CSNK1G1: variants seen among roughly 807,000 people sequenced by gnomAD.
CSNK1G1 encodes casein kinase I isoform gamma-1.
Under a neutral mutation model 59.6 loss-of-function variants are expected in CSNK1G1, and 22 were observed. The observed-to-expected ratio is 0.37, with a 90% CI of 0.26 to 0.53. CSNK1G1 has a LOEUF of 0.53. Among genes scored for constraint, CSNK1G1 ranks in the 20% least tolerant of loss-of-function variants. The pLI, the probability that CSNK1G1 is intolerant of heterozygous loss-of-function variation, is 0.89. For missense variants in CSNK1G1, 384 were observed against 519.5 expected (o/e 0.74, Z 2.54); for synonymous variants, 179 against 177.1 (o/e 1.01, Z -0.08).
chr15:64,185,579 C>T (rs1224787509), intron 10 of CSNK1G1, among the ~76,000 whole-genome samples: 1 of 152,050 alleles, frequency 6.6e-6, no homozygotes, highest in South Asian at 2.1e-4. Context: ...GGACACTTTA[C>T]GAGGCCAGGC....
At chr15:64,276,247 A>G (rs976339938) in intron 2 of CSNK1G1, among the ~76,000 whole-genome samples, 3 of 152,176 alleles carry the variant, frequency 2.0e-5, no homozygotes, top group Non-Finnish European at 2.9e-5. Context: ...GTTCTATATT[A>G]TAGTGGTGGG....
chr15:64,349,408 C>T (rs1374025406), intron 1 of CSNK1G1, among the ~76,000 whole-genome samples: 1 of 152,042 alleles, frequency 6.6e-6, no homozygotes, highest in Non-Finnish European at 1.5e-5. Context: ...AGAGAATATC[C>T]CTCTACCCAG....
chr15:64,238,255 T>C (rs1288163416), intron 4 of CSNK1G1, among the ~76,000 whole-genome samples: 1 of 151,394 alleles, frequency 6.6e-6, no homozygotes, highest in Non-Finnish European at 1.5e-5. Context: ...GGTTTATAGG[T>C]ATATACGCAC....
At chr15:64,190,715 A>G (rs922321099) in intron 10 of CSNK1G1, among the ~76,000 whole-genome samples, 1 of 152,062 alleles carries the variant, frequency 6.6e-6, no homozygotes, top group African/African-American at 2.4e-5. Context: ...TGCCGGCCAT[A>G]TTTTATAAAC....
rs530463638 is a variant in CSNK1G1, at chr15:64,318,613, C to A, written c.-224-17890G>T. Among the ~76,000 whole-genome samples the A allele has an allele frequency of 5.9e-5, 8 of 135,730 alleles. 1 individual carries two copies. The highest frequency in any genetic ancestry group is 1.9e-4 in the African/African-American group (7 of 37,142). The allele number at this position is 135,730 out of a possible 152,430, so 89.0% of individuals were successfully genotyped here. A position where few individuals can be genotyped will look rare whatever the true frequency, so the allele number is the denominator to read the frequency against. On this transcript the variant is annotated intron_variant, in intron 1 of 11. Coordinates refer to ENST00000303052, the MANE Select transcript of CSNK1G1 (RefSeq NM_022048.5). ...CCAGGCTGGAGTGTGGTGGCATGAT[C>A]TTTTTTTTTTTTTTTGAGACAAAGT... is the stretch of plus-strand genomic sequence containing the variant.
At chr15:64,276,498 G>A (rs1474821855) in intron 2 of CSNK1G1, among the ~76,000 whole-genome samples, 1 of 152,012 alleles carries the variant, frequency 6.6e-6, no homozygotes. Context: ...TTTCAGAACA[G>A]ACGGATCATT....
chr15:64,190,776 T>A (rs1367181911), intron 10 of CSNK1G1, among the ~76,000 whole-genome samples: 6 of 152,228 alleles, frequency 3.9e-5, no homozygotes, highest in Admixed American at 3.3e-4. Flanking sequence ...TTATTCTGAC[T>A]GCTGGAGATC....
chr15:64,294,325 C>T (rs1894898096), intron 2 of CSNK1G1, among the ~76,000 whole-genome samples: 1 of 152,066 alleles, frequency 6.6e-6, no homozygotes, highest in Non-Finnish European at 1.5e-5. Context: ...CCGCCCACCT[C>T]GGCCTCTCAA....
chr15:64,221,661 C>T (rs2082389944), intron 4 of CSNK1G1, among the ~76,000 whole-genome samples: 1 of 151,534 alleles, frequency 6.6e-6, no homozygotes, highest in Non-Finnish European at 1.5e-5. Flanking sequence ...TCAACTCTGG[C>T]ACATTCCTTA....
chr15:64,296,506 A>G (rs570499589), intron 2 of CSNK1G1, among the ~76,000 whole-genome samples: 233 of 152,324 alleles, frequency 1.5e-3, no homozygotes, highest in Admixed American at 2.5e-3. Context: ...GACAAAAACT[A>G]TATCTTCTTA....
chr15:64,273,928 G>A (rs544427088), intron 2 of CSNK1G1, among the ~76,000 whole-genome samples: 3 of 152,278 alleles, frequency 2.0e-5, no homozygotes, highest in African/African-American at 4.8e-5. Context: ...CTACTATGAT[G>A]CATTCCTGCA....
intron 2 of CSNK1G1, among the ~76,000 whole-genome samples, chr15:64,290,316 T>TACAC (rs1444016039): frequency 6.6e-6 from 1 of 151,442 alleles, no homozygotes; most frequent in Non-Finnish European, 1.5e-5. Flanking sequence ...TATATATATA[T>TACAC]ATACACATAC....
At chr15:64,295,444 C>T (rs528294116) in intron 2 of CSNK1G1, among the ~76,000 whole-genome samples, 65 of 152,236 alleles carry the variant, frequency 4.3e-4, no homozygotes, top group Middle Eastern at 3.4e-3. Flanking sequence ...CTAAATCCTG[C>T]CTAAAGTCTA....
At chr15:64,313,732 C>A (rs1462191192) in intron 1 of CSNK1G1, among the ~76,000 whole-genome samples, 1 of 147,614 alleles carries the variant, frequency 6.8e-6, no homozygotes, top group Non-Finnish European at 1.5e-5. Flanking sequence ...ACAGGTACCC[C>A]AGAACTTAAA....
rs531121522 is a variant in CSNK1G1 at position 64,271,926 on chromosome 15, G to A, written c.182-12685C>T. Among the ~76,000 whole-genome samples the A allele has an allele frequency of 2.0e-5, 3 of 152,234 alleles. No homozygotes were observed. In the East Asian group the frequency reaches 5.8e-4, roughly 29 times the overall value. Reference sequence around the variant, plus strand: ...ATCTAAAAACTTGCTTTACGAATCTGGGTGCTCCTGTGTCGGGTGCATATA... The same window carrying A: ...ATCTAAAAACTTGCTTTACGAATCTAGGTGCTCCTGTGTCGGGTGCATATA... On this transcript the variant is annotated intron_variant, in intron 2 of 11. Coordinates refer to ENST00000303052, the MANE Select transcript of CSNK1G1 (RefSeq NM_022048.5).
chr15:64,288,357 G>A (rs1411231350), intron 2 of CSNK1G1, among the ~76,000 whole-genome samples: 1 of 152,094 alleles, frequency 6.6e-6, no homozygotes, highest in African/African-American at 2.4e-5. Context: ...GATGGCATCT[G>A]TGAGACAATC....
intron 3 of CSNK1G1, among the ~76,000 whole-genome samples, chr15:64,254,757 A>C (rs531737259): frequency 6.6e-6 from 1 of 152,330 alleles, no homozygotes; most frequent in East Asian, 1.9e-4. Flanking sequence ...TGCCCTTTTT[A>C]GAATTCTGTT....
At chr15:64,172,130 G>A (rs2081676489) in intron 11 of CSNK1G1, 145 bp from the exon 12 acceptor site, 1 of 705,720 alleles carries the variant, frequency 1.4e-6, no homozygotes, top group Non-Finnish European at 2.5e-6. Flanking sequence ...TGCACGCACT[G>A]GAGGCAGTGG....
intron 10 of CSNK1G1, among the ~76,000 whole-genome samples, chr15:64,190,894 A>G (rs1381455466): frequency 2.6e-5 from 4 of 152,176 alleles, no homozygotes; most frequent in Non-Finnish European, 5.9e-5. Flanking sequence ...TAATATTGAA[A>G]TATAATATTT....
Sources: gnomAD v4.1 joint callset for allele counts (sites outside exome capture counted in the v4.1 genomes callset) on GRCh38, gnomAD v4.1.1 for gene constraint, MANE v1.5 for transcripts, NCBI Gene and HGNC (gene_info 2026-07-23, HGNC 2026-07-21) for gene names.